GRIA4: variants seen among roughly 807,000 people sequenced by gnomAD.
GRIA4 encodes glutamate ionotropic receptor AMPA type subunit 4.
A neutral mutation model predicts 104.0 loss-of-function variants in GRIA4; 34 were observed. The observed-to-expected ratio is 0.33, with a 90% CI of 0.25 to 0.44. GRIA4 has a LOEUF of 0.44. Among genes scored for constraint, GRIA4 ranks in the 20% least tolerant of loss-of-function variants. GRIA4 has a pLI of 1.00. For missense variants in GRIA4, 750 were observed against 1,096.5 expected (o/e 0.68, Z 4.46); for synonymous variants, 386 against 381.9 (o/e 1.01, Z -0.13).
intron 5 of GRIA4, among the ~76,000 whole-genome samples, chr11:105,865,383 T>G (rs1945366977): frequency 6.6e-6 from 1 of 152,310 alleles, no homozygotes; most frequent in Admixed American, 6.5e-5. Context: ...GAAACAAGCC[T>G]TGAAAAGAAA....
chr11:105,717,805 G>A (rs1282301528), intron 3 of GRIA4, among the ~76,000 whole-genome samples: 1 of 150,954 alleles, frequency 6.6e-6, no homozygotes, highest in Non-Finnish European at 1.5e-5. Flanking sequence ...CTGGTGCGCT[G>A]CACCCACTAA....
At chr11:105,656,042 G>T (rs1249510680) in intron 3 of GRIA4, among the ~76,000 whole-genome samples, 1 of 152,058 alleles carries the variant, frequency 6.6e-6, no homozygotes, top group South Asian at 2.1e-4. Flanking sequence ...GCGTGAGATG[G>T]TATTTCATTG....
At chr11:105,673,247 T>G (rs1007930740) in intron 3 of GRIA4, among the ~76,000 whole-genome samples, 2 of 152,070 alleles carry the variant, frequency 1.3e-5, no homozygotes, top group Non-Finnish European at 2.9e-5. Context: ...ATCCTAAGTT[T>G]GTGGAAGGTA....
At chr11:105,766,968 T>C (rs1196738567) in intron 4 of GRIA4, among the ~76,000 whole-genome samples, 1 of 152,180 alleles carries the variant, frequency 6.6e-6, no homozygotes, top group Non-Finnish European at 1.5e-5. Flanking sequence ...TATTCTTACC[T>C]ACAGCACATT....
intron 14 of GRIA4, among the ~76,000 whole-genome samples, chr11:105,955,273 C>A (rs1206162605): frequency 6.6e-6 from 1 of 151,938 alleles, no homozygotes; most frequent in Non-Finnish European, 1.5e-5. Context: ...CCTCCCCTCA[C>A]CCCCAACCCT....
At chr11:105,881,153 A>T (rs1267727996) in intron 5 of GRIA4, among the ~76,000 whole-genome samples, 1 of 152,168 alleles carries the variant, frequency 6.6e-6, no homozygotes, top group Non-Finnish European at 1.5e-5. Flanking sequence ...TTACTGGAGG[A>T]GGCTAGTGTA....
intron 4 of GRIA4, among the ~76,000 whole-genome samples, chr11:105,757,691 CT>C (rs1454176332): frequency 6.6e-6 from 1 of 152,066 alleles, no homozygotes; most frequent in African/African-American, 2.4e-5. Flanking sequence ...ACATTGTTGA[CT>C]GACACATCAA....
At chr11:105,768,496 C>T (rs1273131318) in intron 4 of GRIA4, among the ~76,000 whole-genome samples, 3 of 152,036 alleles carry the variant, frequency 2.0e-5, no homozygotes, top group African/African-American at 7.2e-5. Context: ...GAAGTCAAAG[C>T]ATTGCTTCAG....
At chr11:105,655,519 T>A (rs924021276) in intron 3 of GRIA4, among the ~76,000 whole-genome samples, 1 of 151,952 alleles carries the variant, frequency 6.6e-6, no homozygotes, top group Non-Finnish European at 1.5e-5. Flanking sequence ...CCCGGGTGTG[T>A]GATATTCCCC....
intron 3 of GRIA4, among the ~76,000 whole-genome samples, chr11:105,622,933 T>C (rs532165871): frequency 4.5e-4 from 68 of 151,714 alleles, no homozygotes; most frequent in African/African-American, 1.5e-3. Flanking sequence ...AATAAGCACA[T>C]GTAATATTTG....
At chr11:105,752,403 T>C (rs960830277) in intron 3 of GRIA4, among the ~76,000 whole-genome samples, 3 of 152,142 alleles carry the variant, frequency 2.0e-5, no homozygotes, top group Non-Finnish European at 4.4e-5. Flanking sequence ...TCAAACATGA[T>C]TCAAGGAGAC....
At chr11:105,833,940 A>G (rs531519100) in intron 4 of GRIA4, among the ~76,000 whole-genome samples, 1 of 152,158 alleles carries the variant, frequency 6.6e-6, no homozygotes, top group South Asian at 2.1e-4. Context: ...AGTAATGTTC[A>G]CCTACAATCA....
intron 4 of GRIA4, among the ~76,000 whole-genome samples, chr11:105,790,889 T>C (rs1201687959): frequency 6.6e-6 from 1 of 152,216 alleles, no homozygotes; most frequent in Non-Finnish European, 1.5e-5. Context: ...GGTTTGATTA[T>C]TTGCTTTCTT....
chr11:105,739,145 T>C (rs1939151833), intron 3 of GRIA4, among the ~76,000 whole-genome samples: 1 of 152,164 alleles, frequency 6.6e-6, no homozygotes, highest in South Asian at 2.1e-4. Flanking sequence ...GTCTTTACAC[T>C]GAATGGAATC....
intron 4 of GRIA4, among the ~76,000 whole-genome samples, chr11:105,754,515 A>G (rs1247593558): frequency 4.6e-5 from 7 of 152,196 alleles, no homozygotes; most frequent in Non-Finnish European, 8.8e-5. Flanking sequence ...GTTTTGAAAG[A>G]TTAATAAGTG....
intron 4 of GRIA4, among the ~76,000 whole-genome samples, chr11:105,797,193 A>G (rs967484727): frequency 2.6e-5 from 4 of 152,166 alleles, no homozygotes; most frequent in African/African-American, 7.2e-5. Context: ...TGGATGACAG[A>G]GCAAGACCCT....
chr11:105,671,834 G>C (rs1012935473), intron 3 of GRIA4, among the ~76,000 whole-genome samples: 2 of 151,798 alleles, frequency 1.3e-5, no homozygotes, highest in African/African-American at 4.8e-5. Context: ...TGATATTTAG[G>C]CTGTCTGTTA....
chr11:105,880,388 G>A (rs1946004744), intron 5 of GRIA4, among the ~76,000 whole-genome samples: 1 of 152,148 alleles, frequency 6.6e-6, no homozygotes, highest in Non-Finnish European at 1.5e-5. Flanking sequence ...CAGTTCCATG[G>A]TGGGATAAAG....
intron 3 of GRIA4, among the ~76,000 whole-genome samples, chr11:105,629,633 CAAAAAGCAT>C (rs1248814520): frequency 6.6e-6 from 1 of 151,958 alleles, no homozygotes; most frequent in Non-Finnish European, 1.5e-5. Context: ...TACATGTTTA[CAAAAAGCAT>C]ATATTAACAC....
Sources: gnomAD v4.1 joint callset for allele counts (sites outside exome capture counted in the v4.1 genomes callset) on GRCh38, gnomAD v4.1.1 for gene constraint, MANE v1.5 for transcripts, NCBI Gene and HGNC (gene_info 2026-07-23, HGNC 2026-07-21) for gene names.